The following C12orf42 variants were observed in gnomAD, a reference collection of about 807,000 sequenced individuals.
The protein encoded by C12orf42 is chromosome 12 open reading frame 42, also known as uncharacterized protein C12orf42.
In C12orf42, 25 loss-of-function variants were observed where a neutral mutation model predicts 21.6. The observed-to-expected ratio is 1.16, with a 90% CI of 0.84 to 1.62. The LOEUF is 1.62. Ranked by LOEUF, C12orf42 falls within the 40% of genes most tolerant of loss-of-function variation. The probability of loss-of-function intolerance (pLI) is 0.00; values close to 1 mark genes in which losing one functional copy is unlikely to be tolerated. For missense variants in C12orf42, 483 were observed against 459.3 expected (o/e 1.05, Z -0.47); for synonymous variants, 174 against 175.0 (o/e 0.99, Z 0.05).
At chr12:103,561,317 G>A in the C12orf42 span, among the ~76,000 whole-genome samples, 24,236 of 152,076 alleles carry the variant, frequency 0.16, 2,558 homozygotes, top group Non-Finnish European at 0.22. Context: ...AGTTTGGGTT[G>A]CCATAGCAAA....
intron 4 of C12orf42, among the ~76,000 whole-genome samples, chr12:103,336,349 C>T (rs546166893): frequency 6.6e-6 from 1 of 152,170 alleles, no homozygotes; most frequent in Non-Finnish European, 1.5e-5. Context: ...TTTCCACACA[C>T]TTTTAGTCAG....
chr12:103,361,188 C>A (rs778592683), intron 4 of C12orf42, among the ~76,000 whole-genome samples: 55 of 152,076 alleles, frequency 3.6e-4, no homozygotes, highest in Admixed American at 6.6e-4. Context: ...AGGAGACAGC[C>A]CAAATACTGT....
At chr12:103,363,614 T>C (rs35101665) in intron 4 of C12orf42, among the ~76,000 whole-genome samples, 24,628 of 151,916 alleles carry the variant, frequency 0.16, 2,863 homozygotes, top group African/African-American at 0.34. Flanking sequence ...CCCTGACACA[T>C]AGGACTCACA....
intron 3 of C12orf42, among the ~76,000 whole-genome samples, chr12:103,385,345 A>G (rs1173773817): frequency 2.0e-5 from 3 of 152,198 alleles, no homozygotes; most frequent in Admixed American, 1.3e-4. Flanking sequence ...TTAAAAATGT[A>G]TACGCCTGGA....
intron 5 of C12orf42, among the ~76,000 whole-genome samples, chr12:103,304,219 G>T (rs1353331140): frequency 1.3e-5 from 2 of 152,070 alleles, no homozygotes; most frequent in African/African-American, 2.4e-5. Context: ...TACTTCACAG[G>T]GTTGCTAGTG....
the C12orf42 span, among the ~76,000 whole-genome samples, chr12:103,554,990 A>T: frequency 2.6e-5 from 4 of 152,096 alleles, no homozygotes; most frequent in Admixed American, 2.6e-4. Flanking sequence ...GGCAAAACAG[A>T]GTGTTTTTCA....
chr12:103,258,075 A>G (rs1371782127), intron 10 of C12orf42, among the ~76,000 whole-genome samples: 1 of 152,180 alleles, frequency 6.6e-6, no homozygotes, highest in Non-Finnish European at 1.5e-5. Context: ...TTAAAACAAG[A>G]AAGTATAAGC....
the C12orf42 span, among the ~76,000 whole-genome samples, chr12:103,176,979 T>C: frequency 1.4e-4 from 21 of 152,264 alleles, no homozygotes; most frequent in South Asian, 1.0e-3. Flanking sequence ...AAAAAAATTC[T>C]CCTCAAACTT....
intron 2 of C12orf42, among the ~76,000 whole-genome samples, chr12:103,402,265 C>A (rs899726568): frequency 2.0e-5 from 3 of 152,140 alleles, no homozygotes; most frequent in African/African-American, 7.2e-5. Context: ...GAAGAGGTAA[C>A]CCCTGAGGAT....
chr12:103,468,862 C>CA, intron 2 of C12orf42, among the ~76,000 whole-genome samples: 1 of 152,294 alleles, frequency 6.6e-6, no homozygotes, highest in South Asian at 2.1e-4. Flanking sequence ...CTTTAAGAGA[C>CA]ATTTGTGCTG....
chr12:103,532,903 G>A, the C12orf42 span, among the ~76,000 whole-genome samples: 3 of 152,182 alleles, frequency 2.0e-5, no homozygotes, highest in African/African-American at 4.8e-5. Context: ...ACATCAAAAC[G>A]CCCCTGCCCC....
the C12orf42 span, among the ~76,000 whole-genome samples, chr12:103,061,267 T>C: frequency 6.6e-6 from 1 of 152,176 alleles, no homozygotes; most frequent in East Asian, 1.9e-4. Context: ...TTCCCATTGG[T>C]CTTCTTCGAC....
rs570597851 is a variant in C12orf42, at chr12:103,238,917, T to C, written c.*1367-1015A>G. ...GGGATAAGGAATCCTAGTTAAGGGA[T>C]TGACCCTGGTACTGCAGATGTCGAC... On this transcript the variant is annotated intron_variant and NMD_transcript_variant, in intron 10 of 10. Coordinates refer to the C12orf42 transcript ENST00000547347. 5.3e-5 allele frequency among the ~76,000 whole-genome samples: 8 copies of C among 152,274 alleles called. No individual in the cohort carries two copies. In the South Asian group the frequency reaches 8.3e-4, roughly 16 times the overall value.
chr12:103,052,018 A>G, the C12orf42 span, among the ~76,000 whole-genome samples: 1 of 152,200 alleles, frequency 6.6e-6, no homozygotes, highest in Non-Finnish European at 1.5e-5. Context: ...GACATTTAGC[A>G]TGTTGTTTTG....
chr12:103,205,134 T>C, the C12orf42 span, among the ~76,000 whole-genome samples: 1 of 151,958 alleles, frequency 6.6e-6, no homozygotes, highest in Non-Finnish European at 1.5e-5. Context: ...AAATAGTAAG[T>C]GTTGATGAGG....
At chr12:103,202,154 A>G in the C12orf42 span, among the ~76,000 whole-genome samples, 1 of 152,222 alleles carries the variant, frequency 6.6e-6, no homozygotes, top group Non-Finnish European at 1.5e-5. Context: ...CCTGTGGAGT[A>G]CTGGAAGGAT....
At chr12:103,505,295 A>T in the C12orf42 span, 2 of 260,956 alleles carry the variant, frequency 7.7e-6, no homozygotes. Flanking sequence ...AAGGGTTCAC[A>T]GTGCACCCTC....
chr12:103,051,341 A>G, the C12orf42 span, among the ~76,000 whole-genome samples: 3 of 152,286 alleles, frequency 2.0e-5, no homozygotes, highest in African/African-American at 7.2e-5. Context: ...ACTTAGAAGG[A>G]GAGTATATAA....
At chr12:103,346,635 G>A (rs1282254850) in intron 4 of C12orf42, among the ~76,000 whole-genome samples, 2 of 152,150 alleles carry the variant, frequency 1.3e-5, no homozygotes, top group Admixed American at 6.5e-5. Flanking sequence ...GCCTCAGTGT[G>A]ACTACAAGAG....
Sources: gnomAD v4.1 joint callset for allele counts (sites outside exome capture counted in the v4.1 genomes callset) on GRCh38, gnomAD v4.1.1 for gene constraint, MANE v1.5 for transcripts, NCBI Gene and HGNC (gene_info 2026-07-23, HGNC 2026-07-21) for gene names.